ITGBL1: variants seen among roughly 807,000 people sequenced by gnomAD.
The protein encoded by ITGBL1 is integrin subunit beta like 1.
A neutral mutation model predicts 68.5 loss-of-function variants in ITGBL1; 51 were observed. That is an observed-to-expected ratio of 0.74 (90% CI 0.59 to 0.94). The LOEUF (loss-of-function observed/expected upper bound fraction) is 0.94, where lower values mean the gene tolerates loss of function less well. Among genes scored for constraint, ITGBL1 ranks in the 40% least tolerant of loss-of-function variants. The pLI is 0.00. For missense variants in ITGBL1, 649 were observed against 647.4 expected (o/e 1.00, Z -0.03); for synonymous variants, 209 against 227.3 (o/e 0.92, Z 0.72).
chr13:101,492,118 A>G (rs1204027182), intron 2 of ITGBL1, among the ~76,000 whole-genome samples: 1 of 152,174 alleles, frequency 6.6e-6, no homozygotes, highest in East Asian at 1.9e-4. Flanking sequence ...TTTAAAGTAG[A>G]ATGATTTATA....
chr13:101,641,558 CT>C (rs1244573652), intron 7 of ITGBL1, among the ~76,000 whole-genome samples: 1 of 120,118 alleles, frequency 8.3e-6, no homozygotes, highest in Non-Finnish European at 1.7e-5. Flanking sequence ...TTTATTTTTT[CT>C]TTTTTTTCTT....
rs532241838 is a variant in ITGBL1, at chr13:101,503,584, T to C, written c.316+49484T>C. Among the ~76,000 whole-genome samples the C allele has an allele frequency of 4.6e-3, 695 of 152,252 alleles. 4 individuals are homozygous for C. The highest frequency in any genetic ancestry group is 0.016 in the African/African-American group (658 of 41,560). On this transcript the variant is annotated intron_variant, in intron 2 of 10. Transcript: ENST00000376180. Reference sequence around the variant, plus strand: ...ATTATGCCTTTAGAAGTGACACTAGTGGGCACCCCTGAAATGACCTCCAAC... The same window carrying C: ...ATTATGCCTTTAGAAGTGACACTAGCGGGCACCCCTGAAATGACCTCCAAC...
chr13:101,715,714 C>G lies in ITGBL1; in HGVS notation c.*60C>G. On this transcript the variant is annotated 3_prime_UTR_variant, in exon 11 of 11. Transcript: ENST00000376180. ...TCTGGGCCATTAGAACAGATAAATGCGAAGGAAACCATGTATATTCACCAC... is the reference window on the plus strand; with the variant it reads ...TCTGGGCCATTAGAACAGATAAATGGGAAGGAAACCATGTATATTCACCAC... 1 of 1,054,450 alleles carries G rather than the reference C, an allele frequency of 9.5e-7. No homozygotes were observed. The highest frequency in any genetic ancestry group is 1.5e-6 in the Non-Finnish European group (1 of 670,594). 65.3% of individuals were successfully genotyped at this position (1,054,450 alleles called of 1,614,324 possible).
intron 7 of ITGBL1, among the ~76,000 whole-genome samples, chr13:101,675,477 C>A (rs530818212): frequency 1.4e-4 from 21 of 152,284 alleles, no homozygotes; most frequent in African/African-American, 4.8e-4. Context: ...CCAAGGGCGT[C>A]TTTCCTTGTC....
chr13:101,663,365 TC>T (rs2033135397), intron 7 of ITGBL1, among the ~76,000 whole-genome samples: 1 of 152,152 alleles, frequency 6.6e-6, no homozygotes, highest in African/African-American at 2.4e-5. Flanking sequence ...ACTTTAGAGA[TC>T]GCTTGATCTA....
At chr13:101,530,410 C>A (rs2049453388) in intron 2 of ITGBL1, among the ~76,000 whole-genome samples, 1 of 152,068 alleles carries the variant, frequency 6.6e-6, no homozygotes, top group Admixed American at 6.6e-5. Context: ...TGCTTCTGTG[C>A]CAGGCATAAT....
chr13:101,669,905 C>G (rs1481915520), intron 7 of ITGBL1, among the ~76,000 whole-genome samples: 4 of 152,174 alleles, frequency 2.6e-5, no homozygotes, highest in Non-Finnish European at 2.9e-5. Flanking sequence ...ATCATTGCCT[C>G]TAGCTCTTCC....
chr13:101,587,729 T>A (rs967365817), intron 6 of ITGBL1, among the ~76,000 whole-genome samples: 1 of 152,184 alleles, frequency 6.6e-6, no homozygotes, highest in Non-Finnish European at 1.5e-5. Context: ...CCATATTATG[T>A]GGTGAAATTT....
At chr13:101,587,892 T>C (rs909823554) in intron 6 of ITGBL1, among the ~76,000 whole-genome samples, 1 of 152,232 alleles carries the variant, frequency 6.6e-6, no homozygotes, top group Non-Finnish European at 1.5e-5. Flanking sequence ...AAAGCTTTTC[T>C]CTATTGATGG....
In ITGBL1 at chr13:101,504,326, A is replaced by C. The variant is rs200398977; in HGVS notation, c.316+50226A>C. On this transcript the variant is annotated intron_variant, in intron 2 of 10. Transcript: ENST00000376180. ...TCATGCCCTCTCAGAGTCACGATCC[A>C]GCAAAGAACCTGAAAATGACAATCT... Among the ~76,000 whole-genome samples the C allele has an allele frequency of 5.1e-5, 5 of 98,446 alleles. No homozygotes were observed. The East Asian group carries it at 3.2e-3, about 63-fold the overall frequency. 64.6% of individuals were successfully genotyped at this position (98,446 alleles called of 152,430 possible). A position where few individuals can be genotyped will look rare whatever the true frequency, so the allele number is the denominator to read the frequency against.
chr13:101,563,797 T>A (rs913927348), intron 2 of ITGBL1, among the ~76,000 whole-genome samples: 10 of 152,002 alleles, frequency 6.6e-5, no homozygotes, highest in Non-Finnish European at 1.0e-4. Context: ...ATCATTTCAC[T>A]AGGGCAAAAT....
chr13:101,567,862 G>GAAACCCCGTCTCTAC lies in ITGBL1; in HGVS notation c.463+17_463+18insAAACCCCGTCTCTAC. The GAAACCCCGTCTCTAC allele has an allele frequency of 6.3e-7, 1 of 1,595,778 alleles. No homozygotes were observed. The highest frequency in any genetic ancestry group is 8.5e-7 in the Non-Finnish European group (1 of 1,170,262). The stretch of plus-strand genomic sequence containing the variant: ...CTAATGCAGGTAAGAAGTATACCCT[G>GAAACCCCGTCTCTAC]TGAAAATTGTTAAGTGGAATAATCA... On this transcript the variant is annotated intron_variant, in intron 3 of 10. Coordinates refer to ENST00000376180, the MANE Select transcript of ITGBL1 (RefSeq NM_004791.3).
chr13:101,474,417 G>T (rs1591450), intron 2 of ITGBL1, among the ~76,000 whole-genome samples: 21,604 of 152,128 alleles, frequency 0.14, 2,037 homozygotes, highest in East Asian at 0.43. Context: ...AGTGCACTAA[G>T]TAGATTATTA....
In ITGBL1 at chr13:101,453,975, A is replaced by ACGGC. The variant is rs1469784032; in HGVS notation, c.195_198dup (p.Gly67ProfsTer15). 9 of 1,530,286 alleles carry ACGGC rather than the reference A, an allele frequency of 5.9e-6. No homozygotes were observed. Among genetic ancestry groups the ACGGC allele is most frequent in the Non-Finnish European group, 6.2e-6 (7 of 1,136,280 alleles). The allele number at this position is 1,530,286 out of a possible 1,614,324, so 94.8% of individuals were successfully genotyped here. Reference sequence around the variant, plus strand: ...CAGCCCCCGGGGGCCGCGCTGTGCCACGGCCGGGGCCGCTGCGACTGCGGC... The same window carrying ACGGC: ...CAGCCCCCGGGGGCCGCGCTGTGCCACGGCCGGCCGGGGCCGCTGCGACTGCGGC... On this transcript the variant is annotated frameshift_variant, in exon 2 of 11. Transcript: ENST00000376180. LOFTEE classifies it high-confidence loss of function.
At chr13:101,532,699 T>C (rs2049505169) in intron 2 of ITGBL1, among the ~76,000 whole-genome samples, 1 of 152,206 alleles carries the variant, frequency 6.6e-6, no homozygotes, top group African/African-American at 2.4e-5. Context: ...GCAAAGTCTT[T>C]TTTTGCATAA....
At chr13:101,671,780 T>C (rs371936667) in intron 7 of ITGBL1, among the ~76,000 whole-genome samples, 1 of 152,204 alleles carries the variant, frequency 6.6e-6, no homozygotes, top group East Asian at 1.9e-4. Context: ...ATTTACTTTT[T>C]ATCCCTATTT....
In ITGBL1 at chr13:101,453,914, C is replaced by A; in HGVS notation, c.130C>A (p.Arg44=). Residue 44 remains arginine, a synonymous_variant, in exon 2 of 11, where the codon CGG becomes AGG. Transcript: ENST00000376180. ...SWPGAACRLS[R]AESERRCRAP... is the part of the protein sequence containing the mutation. ...GCCGGGCGCCGCCTGCAGGCTGTCC[C>A]GGGCCGAGTCGGAGCGACGCTGCCG... is the stretch of plus-strand genomic sequence containing the variant. The A allele has an allele frequency of 3.0e-6, 4 of 1,317,216 alleles. 1 individual carries two copies. Among genetic ancestry groups the A allele is most frequent in the Non-Finnish European group, 3.9e-6 (4 of 1,034,034 alleles). 81.6% of individuals were successfully genotyped at this position (1,317,216 alleles called of 1,614,324 possible). A position where few individuals can be genotyped will look rare whatever the true frequency, so the allele number is the denominator to read the frequency against.
chr13:101,543,944 A>G (rs2049764547), intron 2 of ITGBL1, among the ~76,000 whole-genome samples: 1 of 152,056 alleles, frequency 6.6e-6, no homozygotes, highest in African/African-American at 2.4e-5. Flanking sequence ...TATTCTAGTT[A>G]GCCATTCGTC....
chr13:101,528,272 T>C (rs2049413993), intron 2 of ITGBL1, among the ~76,000 whole-genome samples: 1 of 150,132 alleles, frequency 6.7e-6, no homozygotes, highest in Non-Finnish European at 1.5e-5. Context: ...GAGCTATTTA[T>C]AATATTGTCT....
Sources: gnomAD v4.1 joint callset for allele counts (sites outside exome capture counted in the v4.1 genomes callset) on GRCh38, gnomAD v4.1.1 for gene constraint, MANE v1.5 for transcripts, NCBI Gene and HGNC (gene_info 2026-07-23, HGNC 2026-07-21) for gene names.